Variants in DUSP26 observed in about 807,000 individuals in gnomAD.
The protein encoded by DUSP26 is dual specificity protein phosphatase 26.
DUSP26 carries 12 observed loss-of-function variants against 20.0 expected under a neutral mutation model. That is an observed-to-expected ratio of 0.60 (90% CI 0.38 to 0.97). The LOEUF (loss-of-function observed/expected upper bound fraction) is 0.97. Ranked by LOEUF, DUSP26 falls within the 50% of genes least tolerant of loss-of-function variation. The probability of loss-of-function intolerance (pLI) is 0.00; values close to 1 mark genes in which losing one functional copy is unlikely to be tolerated. For synonymous variants in DUSP26, 120 were observed against 118.8 expected, an observed-to-expected ratio of 1.01 and a Z score of -0.06; for missense variants, 230 against 294.0, an observed-to-expected ratio of 0.78 and a Z score of 1.59.
rs1811027887 is a variant in DUSP26, at chr8:33,591,913, G to A, written c.*100C>T. Reference sequence around the variant, plus strand: ...CTCTCCTGACCCCAGGGGAGGATGGGTGATCTGGGCCTCCTGCTACCTGCC... The same window carrying A: ...CTCTCCTGACCCCAGGGGAGGATGGATGATCTGGGCCTCCTGCTACCTGCC... On this transcript the variant is annotated 3_prime_UTR_variant, in exon 4 of 4. Transcript: ENST00000256261. The A allele has an allele frequency of 1.4e-6, 2 of 1,389,870 alleles. No homozygotes were observed. The highest frequency in any genetic ancestry group is 1.9e-5 in the Admixed American group (1 of 51,548). The allele number at this position is 1,389,870 out of a possible 1,614,324, so 86.1% of individuals were successfully genotyped here. A position where few individuals can be genotyped will look rare whatever the true frequency, so the allele number is the denominator to read the frequency against.
intron 2 of DUSP26, among the ~76,000 whole-genome samples, chr8:33,595,255 C>A (rs1031345020): frequency 1.2e-4 from 18 of 152,304 alleles, no homozygotes; most frequent in African/African-American, 3.9e-4. Flanking sequence ...ACATCCACTT[C>A]CACACCTAAC....
chr8:33,596,734 C>T (rs539316342), intron 2 of DUSP26, among the ~76,000 whole-genome samples: 41 of 152,210 alleles, frequency 2.7e-4, no homozygotes, highest in African/African-American at 6.3e-4. Flanking sequence ...TAGGCACTGC[C>T]GCTTTGCTTG....
intron 2 of DUSP26, 89 bp from the exon 3 acceptor site, chr8:33,593,836 C>T: frequency 6.9e-7 from 1 of 1,457,866 alleles, no homozygotes; most frequent in South Asian, 1.2e-5. Flanking sequence ...TTCCTGAATC[C>T]TATTGTTGAT....
rs1327575015 is a variant in DUSP26 at position 33,599,881 on chromosome 8, G to C, written c.-293C>G. The C allele has an allele frequency of 6.6e-6, 1 of 152,166 alleles. No homozygotes were observed. Among genetic ancestry groups the C allele is most frequent in the Non-Finnish European group, 1.5e-5 (1 of 68,038 alleles). 9.4% of individuals were successfully genotyped at this position (152,166 alleles called of 1,614,324 possible). ...CATAAAGGGACTCGGTCTCACATTC[G>C]GTGGCCCGAGTCGCCAGGCAGCGTG... On this transcript the variant is annotated 5_prime_UTR_variant, in exon 1 of 4. Transcript: ENST00000256261.
In DUSP26 at chr8:33,592,150, G is replaced by C. The variant is rs770357593; in HGVS notation, c.499C>G (p.Leu167Val). The change falls in exon 4 of 4, where the codon CTC becomes GTC. Residue 167 changes from leucine to valine, a missense_variant. Leu to Val is a conservative substitution (Grantham distance 32). Coordinates refer to ENST00000256261, the MANE Select transcript of DUSP26 (RefSeq NM_024025.3). ...SRSATLVLAY[L>V]MLYHHLTLVE... ...AGGGTAAGGTGGTGGTACAGCATGA[G>C]GTAGGCCAGTACCAGGGTGGCGGAT... is the stretch of plus-strand genomic sequence containing the variant. 5 of 1,613,904 alleles carry C rather than the reference G, an allele frequency of 3.1e-6. No individual in the cohort carries two copies. In the Admixed American group the frequency reaches 8.3e-5, roughly 27 times the overall value.
chr8:33,598,378 G>A (rs1226819750), intron 1 of DUSP26, among the ~76,000 whole-genome samples: 1 of 151,484 alleles, frequency 6.6e-6, no homozygotes, highest in Non-Finnish European at 1.5e-5. Flanking sequence ...AATCTAAGCA[G>A]GGTTGGAGTG....
chr8:33,597,153 C>A (rs921774621), intron 2 of DUSP26, 142 bp downstream of exon 2: 17 of 803,384 alleles, frequency 2.1e-5, no homozygotes, highest in African/African-American at 3.5e-5. Context: ...GCAGCCTCTA[C>A]TCTTGGCCCA....
chr8:33,592,279 G>C (rs1342656082), intron 3 of DUSP26, 67 bp from the exon 4 acceptor site: 3 of 1,442,444 alleles, frequency 2.1e-6, no homozygotes, highest in Non-Finnish European at 2.8e-6. Context: ...CTGGGGAAAG[G>C]GTGACATGGG....
At chr8:33,599,125 CACCACCATCACCATCATCACT>C (rs373687097) in intron 1 of DUSP26, among the ~76,000 whole-genome samples, 5,412 of 152,162 alleles carry the variant, frequency 0.036, 307 homozygotes, top group African/African-American at 0.12. Flanking sequence ...CCATCATCAC[CACCACCATCACCATCATCACT>C]ACCACCATCA....
chr8:33,593,783 G>C (rs1275170374), intron 2 of DUSP26, 36 bp from the exon 3 acceptor site: 1 of 1,602,800 alleles, frequency 6.2e-7, no homozygotes, highest in South Asian at 1.1e-5. Flanking sequence ...GGGTGGGAAA[G>C]CCAGGTTGTT....
intron 2 of DUSP26, among the ~76,000 whole-genome samples, chr8:33,596,305 CG>C (rs1488765264): frequency 6.6e-6 from 1 of 151,378 alleles, no homozygotes; most frequent in Admixed American, 6.6e-5. Context: ...ATGCTGGGCA[CG>C]GTGGCTCACA....
chr8:33,598,467 CTG>C (rs1811201301), intron 1 of DUSP26, among the ~76,000 whole-genome samples: 1 of 99,400 alleles, frequency 1.0e-5, no homozygotes, highest in African/African-American at 4.0e-5. Flanking sequence ...AGTGTTTTGT[CTG>C]TGTGTGTCTT....
intron 2 of DUSP26, among the ~76,000 whole-genome samples, chr8:33,595,940 C>T (rs1563379872): frequency 6.6e-6 from 1 of 152,140 alleles, no homozygotes; most frequent in East Asian, 1.9e-4. Flanking sequence ...GAGAGTGATA[C>T]CTATCTCACA....
At chr8:33,592,295 G>T (rs1389834704) in intron 3 of DUSP26, 83 bp from the exon 4 acceptor site, 6 of 1,343,472 alleles carry the variant, frequency 4.5e-6, no homozygotes, top group Non-Finnish European at 6.0e-6. Flanking sequence ...ATGGGGCCGG[G>T]CATGGTGGCT....
chr8:33,599,443 C>T (rs1811221917), intron 1 of DUSP26, among the ~76,000 whole-genome samples: 1 of 152,100 alleles, frequency 6.6e-6, no homozygotes, highest in Admixed American at 6.5e-5. Flanking sequence ...CCTCCGCCTG[C>T]GGTCGCCTTT....
At position 33,593,642 on chromosome 8, in the gene DUSP26, C is replaced by T. The variant is rs750309974; in HGVS notation, c.327G>A (p.Leu109=). The T allele has an allele frequency of 1.1e-5, 18 of 1,614,078 alleles. No individual in the cohort carries two copies. The highest frequency in any genetic ancestry group is 1.5e-5 in the Non-Finnish European group (18 of 1,180,042). ...WRGTPEAYEG[L]GIRYLGVEAH... is the part of the protein sequence containing the mutation. ...CCTCAACACCCAGGTAGCGGATGCC[C>T]AGCCCCTCATAGGCCTCGGGCGTGC... Residue 109 remains leucine (L), a synonymous_variant, in exon 3 of 4, where the codon CTG becomes CTA. Transcript: ENST00000256261.
At chr8:33,592,434 G>T (rs193136885) in intron 3 of DUSP26, among the ~76,000 whole-genome samples, 6 of 151,396 alleles carry the variant, frequency 4.0e-5, no homozygotes, top group Non-Finnish European at 7.4e-5. Context: ...AACTGGGCGT[G>T]GTGGCCCATG....
intron 2 of DUSP26, 54 bp from the exon 3 acceptor site, chr8:33,593,801 A>C: frequency 6.3e-7 from 1 of 1,584,308 alleles, no homozygotes; most frequent in African/African-American, 1.4e-5. Context: ...GTTGGGGAAG[A>C]CTCCCTTGTC....
Position 33,597,601 on chromosome 8 carries a change from G to GA in DUSP26, c.-76-11dup. ...TGCCAGGTAGCTGCTGCTGGAAGAG[G>GA]AAGGGGTGTGAGACACACTTGAGTG... On this transcript the variant is annotated splice_polypyrimidine_tract_variant and intron_variant, in intron 1 of 3. Coordinates refer to ENST00000256261, the MANE Select transcript of DUSP26 (RefSeq NM_024025.3). 8.2e-7 allele frequency: 1 copy of GA among 1,213,014 alleles called. No homozygotes were observed. Among genetic ancestry groups the GA allele is most frequent in the Non-Finnish European group, 1.2e-6 (1 of 864,710 alleles). 75.1% of individuals were successfully genotyped at this position (1,213,014 alleles called of 1,614,324 possible).
Sources: allele counts gnomAD v4.1 joint callset (sites outside exome capture counted in the v4.1 genomes callset), GRCh38; gene constraint gnomAD v4.1.1; transcripts MANE v1.5; gene names NCBI Gene and HGNC (gene_info 2026-07-23, HGNC 2026-07-21).